The following CCSER1 variants were observed in gnomAD, a reference collection of about 807,000 sequenced individuals.
CCSER1 encodes serine-rich coiled-coil domain-containing protein 1.
In CCSER1, 41 loss-of-function variants were observed where a neutral mutation model predicts 82.0. That is an observed-to-expected ratio of 0.50 (90% CI 0.39 to 0.65). The LOEUF is 0.65. Ranked by LOEUF, CCSER1 falls within the 30% of genes least tolerant of loss-of-function variation. The pLI is 0.00. For missense variants in CCSER1, 1,119 were observed against 1,064.2 expected (o/e 1.05, Z -0.72); for synonymous variants, 414 against 383.9 (o/e 1.08, Z -0.92).
intron 9 of CCSER1, among the ~76,000 whole-genome samples, chr4:91,051,558 A>G (rs377049085): frequency 6.6e-6 from 1 of 152,266 alleles, no homozygotes; most frequent in East Asian, 1.9e-4. Context: ...ATTTATGTAC[A>G]GTTATTTATT....
At chr4:90,983,181 T>C (rs1024336981) in intron 9 of CCSER1, among the ~76,000 whole-genome samples, 1 of 148,410 alleles carries the variant, frequency 6.7e-6, no homozygotes, top group Non-Finnish European at 1.5e-5. Flanking sequence ...TTGAATCCCA[T>C]TTTTTTTTGT....
chr4:90,427,750 T>C (rs1455549837), intron 4 of CCSER1, among the ~76,000 whole-genome samples: 3 of 151,844 alleles, frequency 2.0e-5, no homozygotes, highest in East Asian at 3.9e-4. Flanking sequence ...AATTTTATTT[T>C]AATTATATTC....
At position 91,302,979 on chromosome 4, in the gene CCSER1, A is replaced by G. The variant is rs184863776; in HGVS notation, c.2217+216985A>G. On this transcript the variant is annotated intron_variant, in intron 10 of 10. Transcript: ENST00000509176. Reference sequence around the variant, plus strand: ...AAGGACTTTTTCTGGTTTACTCATCACCGTATATTCAATGCCACAAGAGTG... The same window carrying G: ...AAGGACTTTTTCTGGTTTACTCATCGCCGTATATTCAATGCCACAAGAGTG... 8.3e-4 allele frequency among the ~76,000 whole-genome samples: 127 copies of G among 152,110 alleles called. 1 individual carries two copies. The highest frequency in any genetic ancestry group is 4.9e-3 in the Admixed American group (74 of 15,234).
chr4:90,782,681 CTTTCT>C (rs1231406941), intron 7 of CCSER1, among the ~76,000 whole-genome samples: 1 of 123,978 alleles, frequency 8.1e-6, no homozygotes, highest in African/African-American at 3.0e-5. Flanking sequence ...TCTTTTCTTT[CTTTCT>C]TTTTTTTTTT....
At chr4:91,355,043 T>C (rs1667634394) in intron 10 of CCSER1, among the ~76,000 whole-genome samples, 1 of 152,174 alleles carries the variant, frequency 6.6e-6, no homozygotes, top group Non-Finnish European at 1.5e-5. Flanking sequence ...TTGTGATTAC[T>C]AATTTTAAAG....
At chr4:91,253,724 C>A (rs552526893) in intron 10 of CCSER1, among the ~76,000 whole-genome samples, 1 of 152,158 alleles carries the variant, frequency 6.6e-6, no homozygotes, top group South Asian at 2.1e-4. Flanking sequence ...AAGAAATACA[C>A]CTCATGGTTC....
At chr4:91,273,769 G>C (rs1334919544) in intron 10 of CCSER1, among the ~76,000 whole-genome samples, 2 of 152,094 alleles carry the variant, frequency 1.3e-5, no homozygotes, top group Non-Finnish European at 2.9e-5. Context: ...TTACACTGAG[G>C]TATGTCCCTA....
intron 5 of CCSER1, among the ~76,000 whole-genome samples, chr4:90,599,135 T>A (rs1475595111): frequency 6.6e-6 from 1 of 152,062 alleles, no homozygotes; most frequent in Non-Finnish European, 1.5e-5. Flanking sequence ...GACTGCAGGA[T>A]CCTCCAGTAG....
chr4:90,131,492 A>G (rs935410848), intron 1 of CCSER1, among the ~76,000 whole-genome samples: 13 of 152,254 alleles, frequency 8.5e-5, no homozygotes, highest in African/African-American at 3.1e-4. Context: ...GTTTGCTCTA[A>G]AGAAGTGTGA....
chr4:90,836,833 C>G (rs2149846319), intron 8 of CCSER1, among the ~76,000 whole-genome samples: 1 of 152,362 alleles, frequency 6.6e-6, no homozygotes, highest in Admixed American at 6.5e-5. Context: ...AGATGTTGCT[C>G]TGTTCCCTGG....
rs116856978 is a variant in CCSER1, at chr4:90,649,071, A to G, written c.1932+20839A>G. Among the ~76,000 whole-genome samples the G allele has an allele frequency of 3.0e-4, 45 of 152,362 alleles. 1 individual carries two copies. The East Asian group carries it at 7.9e-3, about 27-fold the overall frequency. On this transcript the variant is annotated intron_variant, in intron 6 of 10. Coordinates refer to ENST00000509176, the MANE Select transcript of CCSER1 (RefSeq NM_001145065.2). ...ATGCTCCTTGAATGGTTTCACTATT[A>G]AAATGGCCAAGAGGTTAAGTGAATT...
intron 10 of CCSER1, among the ~76,000 whole-genome samples, chr4:91,189,472 G>C (rs1422245044): frequency 6.6e-6 from 1 of 152,148 alleles, no homozygotes; most frequent in African/African-American, 2.4e-5. Flanking sequence ...TGGAGTCATT[G>C]TCTAACCTGA....
At chr4:90,751,256 G>C (rs1748609747) in intron 7 of CCSER1, among the ~76,000 whole-genome samples, 2 of 152,076 alleles carry the variant, frequency 1.3e-5, no homozygotes, top group African/African-American at 4.8e-5. Context: ...TACAGGATGA[G>C]ATTTGTTAAT....
At chr4:90,180,803 A>G (rs1384233453) in intron 1 of CCSER1, among the ~76,000 whole-genome samples, 1 of 152,124 alleles carries the variant, frequency 6.6e-6, no homozygotes, top group Non-Finnish European at 1.5e-5. Context: ...TATTCAGTAA[A>G]TATTTCATGG....
chr4:90,775,963 T>C (rs1263493472), intron 7 of CCSER1, among the ~76,000 whole-genome samples: 4 of 151,758 alleles, frequency 2.6e-5, no homozygotes, highest in African/African-American at 4.8e-5. Context: ...GGCCTGACTT[T>C]GGCAAAGACT....
chr4:91,368,605 G>A (rs1287987349), intron 10 of CCSER1, among the ~76,000 whole-genome samples: 1 of 151,762 alleles, frequency 6.6e-6, no homozygotes, highest in Non-Finnish European at 1.5e-5. Flanking sequence ...ATATTTCTTT[G>A]AGGGAGCTTA....
chr4:91,353,881 T>C (rs559654911), intron 10 of CCSER1, among the ~76,000 whole-genome samples: 318 of 152,330 alleles, frequency 2.1e-3, no homozygotes, highest in Non-Finnish European at 3.3e-3. Flanking sequence ...GGCTACAGGA[T>C]TGCATCTGTG....
intron 8 of CCSER1, among the ~76,000 whole-genome samples, chr4:90,832,585 G>A (rs1166599338): frequency 2.0e-5 from 3 of 151,800 alleles, no homozygotes; most frequent in Non-Finnish European, 4.4e-5. Context: ...AGTGTTTTTT[G>A]GAAACATTTT....
At chr4:90,819,951 T>G (rs568751585) in intron 8 of CCSER1, among the ~76,000 whole-genome samples, 1 of 152,328 alleles carries the variant, frequency 6.6e-6, no homozygotes, top group Non-Finnish European at 1.5e-5. Context: ...AGACATACAT[T>G]CTGTAGCCAG....
Sources: gnomAD v4.1 joint callset for allele counts (sites outside exome capture counted in the v4.1 genomes callset) on GRCh38, gnomAD v4.1.1 for gene constraint, MANE v1.5 for transcripts, NCBI Gene and HGNC (gene_info 2026-07-23, HGNC 2026-07-21) for gene names.